SLC7A8: variants seen among roughly 807,000 people sequenced by gnomAD.
The protein encoded by SLC7A8 is large neutral amino acids transporter small subunit 2.
A neutral mutation model predicts 51.2 loss-of-function variants in SLC7A8; 30 were observed. That is an observed-to-expected ratio of 0.59 (90% CI 0.44 to 0.80). The LOEUF is 0.80. SLC7A8 is among the 30% of genes least tolerant of loss of function. SLC7A8 has a pLI of 0.00. For missense variants in SLC7A8, 612 were observed against 674.4 expected, an observed-to-expected ratio of 0.91 and a Z score of 1.03; for synonymous variants, 257 against 275.8, an observed-to-expected ratio of 0.93 and a Z score of 0.67.
intron 7 of SLC7A8, among the ~76,000 whole-genome samples, chr14:23,134,022 C>T (rs1219090527): frequency 1.3e-5 from 2 of 151,882 alleles, no homozygotes; most frequent in African/African-American, 4.8e-5. Context: ...CTCACTGTAG[C>T]CTTGACCTCC....
intron 1 of SLC7A8, among the ~76,000 whole-genome samples, chr14:23,170,701 C>T (rs904356013): frequency 2.0e-5 from 3 of 151,968 alleles, no homozygotes; most frequent in African/African-American, 4.8e-5. Context: ...TCAGGCAATC[C>T]GCCTGCCTCG....
chr14:23,150,546 T>C (rs542242927), intron 3 of SLC7A8, among the ~76,000 whole-genome samples: 4 of 152,326 alleles, frequency 2.6e-5, no homozygotes. Flanking sequence ...TACTCTCAGT[T>C]AACCTCTCTG....
In SLC7A8 at chr14:23,174,253, A is replaced by G. The variant is rs79418916; in HGVS notation, c.152-7713T>C. On this transcript the variant is annotated intron_variant, in intron 1 of 10. Coordinates refer to ENST00000316902, the MANE Select transcript of SLC7A8 (RefSeq NM_012244.4). ...GAACTGTACTCTTAAAAAGCACTGA[A>G]GTATTTGTGCATTTCCTAAATGTAC... Among the ~76,000 whole-genome samples, 174 of 152,362 alleles carry G rather than the reference A, an allele frequency of 1.1e-3. 2 individuals carry two copies. In the East Asian group the frequency reaches 0.028, roughly 24 times the overall value.
chr14:23,163,682 A>G (rs1192156931), intron 3 of SLC7A8, among the ~76,000 whole-genome samples: 1 of 152,192 alleles, frequency 6.6e-6, no homozygotes, highest in Non-Finnish European at 1.5e-5. Context: ...CACTGCCCTC[A>G]GCTAAGTGTA....
chr14:23,152,429 C>CT (rs946125829), intron 3 of SLC7A8, among the ~76,000 whole-genome samples: 10 of 150,428 alleles, frequency 6.6e-5, no homozygotes, highest in Admixed American at 2.0e-4. Context: ...CCAATGTTTT[C>CT]TTTTTTTTGA....
At chr14:23,129,866 G>T in intron 8 of SLC7A8, 67 bp from the exon 9 acceptor site, 1 of 1,567,324 alleles carries the variant, frequency 6.4e-7, no homozygotes, top group Non-Finnish European at 8.7e-7. Context: ...ACAGATTAGG[G>T]GCTGTCCCCC....
chr14:23,129,131 C>G (rs1270357541), intron 9 of SLC7A8: 1 of 161,130 alleles, frequency 6.2e-6, no homozygotes, highest in Non-Finnish European at 1.4e-5. Context: ...CACTGAGCAC[C>G]CTATATGTGT....
chr14:23,131,246 C>T (rs1401672455), intron 8 of SLC7A8, among the ~76,000 whole-genome samples: 2 of 152,144 alleles, frequency 1.3e-5, no homozygotes, highest in African/African-American at 4.8e-5. Flanking sequence ...GCCTGAGAGC[C>T]TTAGGTATTT....
intron 9 of SLC7A8, 74 bp downstream of exon 9, chr14:23,129,576 G>A: frequency 6.5e-7 from 1 of 1,536,058 alleles, no homozygotes; most frequent in Non-Finnish European, 8.9e-7. Flanking sequence ...TAAGAACAGA[G>A]GTGATTTAAA....
chr14:23,145,142 G>A (rs981845971), intron 3 of SLC7A8, among the ~76,000 whole-genome samples: 8 of 150,548 alleles, frequency 5.3e-5, no homozygotes, highest in African/African-American at 1.5e-4. Context: ...GAATGGTCTC[G>A]ATCTCCTGAT....
At chr14:23,130,590 A>G (rs1267420205) in intron 8 of SLC7A8, among the ~76,000 whole-genome samples, 1 of 148,272 alleles carries the variant, frequency 6.7e-6, no homozygotes, top group Non-Finnish European at 1.5e-5. Flanking sequence ...TGGAAAAAAC[A>G]AAACAAAACA....
At chr14:23,148,575 G>A (rs112697062) in intron 3 of SLC7A8, among the ~76,000 whole-genome samples, 77 of 152,352 alleles carry the variant, frequency 5.1e-4, no homozygotes, top group Non-Finnish European at 7.8e-4. Flanking sequence ...TATCCAGAGG[G>A]ACCAGTGTTG....
intron 1 of SLC7A8, among the ~76,000 whole-genome samples, chr14:23,176,670 G>A (rs1219583303): frequency 1.3e-5 from 2 of 152,020 alleles, no homozygotes; most frequent in African/African-American, 2.4e-5. Context: ...GGCTGGGCGC[G>A]GTGGCTCACA....
At chr14:23,138,183 C>A in intron 6 of SLC7A8, 159 bp from the exon 7 acceptor site, 1 of 821,804 alleles carries the variant, frequency 1.2e-6, no homozygotes, top group South Asian at 1.8e-5. Flanking sequence ...GGGTGGACCC[C>A]TACACAGGGT....
intron 3 of SLC7A8, among the ~76,000 whole-genome samples, chr14:23,161,928 A>C (rs866391166): frequency 0.041 from 5,990 of 146,552 alleles, 557 homozygotes; most frequent in African/African-American, 0.15. Context: ...CTCCATCTAA[A>C]AAAAAAAAAA....
At chr14:23,146,114 G>T (rs911431148) in intron 3 of SLC7A8, among the ~76,000 whole-genome samples, 1 of 152,224 alleles carries the variant, frequency 6.6e-6, no homozygotes, top group African/African-American at 2.4e-5. Flanking sequence ...GGCATGCAAG[G>T]TACAAGGCTG....
At chr14:23,135,104 T>C (rs1220125522) in intron 7 of SLC7A8, among the ~76,000 whole-genome samples, 1 of 152,012 alleles carries the variant, frequency 6.6e-6, no homozygotes, top group African/African-American at 2.4e-5. Flanking sequence ...TTTATTTTTA[T>C]TGAGACAGAG....
In SLC7A8 at chr14:23,165,497, G is replaced by C; in HGVS notation, c.357-61C>G. The C allele has an allele frequency of 6.6e-7, 1 of 1,514,352 alleles. No homozygotes were observed. 93.8% of individuals were successfully genotyped at this position (1,514,352 alleles called of 1,614,324 possible). ...GCAGGGACGCAGAGCCATCAGGGGA[G>C]AGCCCGGGCAAGTCATGCATCTCTT... On this transcript the variant is annotated intron_variant, in intron 2 of 10. Coordinates refer to ENST00000316902, the MANE Select transcript of SLC7A8 (RefSeq NM_012244.4). The surrounding 1 kb of genome is among the most constrained non-coding windows in gnomAD (Gnocchi z 4.2).
chr14:23,151,079 G>T (rs1342932692), intron 3 of SLC7A8, among the ~76,000 whole-genome samples: 2 of 152,182 alleles, frequency 1.3e-5, no homozygotes, highest in Non-Finnish European at 2.9e-5. Flanking sequence ...CTGTCTGCTA[G>T]GGAGGAACAC....
Sources: gnomAD v4.1 joint callset for allele counts (sites outside exome capture counted in the v4.1 genomes callset) on GRCh38, gnomAD v4.1.1 for gene constraint, Gnocchi (gnomAD v3.1) non-coding constraint, MANE v1.5 for transcripts, NCBI Gene and HGNC (gene_info 2026-07-23, HGNC 2026-07-21) for gene names.